Variants in FRAS1 observed in about 807,000 individuals in gnomAD.
The protein encoded by FRAS1 is Fraser extracellular matrix complex subunit 1.
In FRAS1, 290 loss-of-function variants were observed where a neutral mutation model predicts 435.2. The ratio of observed to expected loss-of-function variants is 0.67; its 90% CI spans 0.61 to 0.73. The LOEUF is 0.73. Ranked by LOEUF, FRAS1 falls within the 30% of genes least tolerant of loss-of-function variation. The pLI is 0.00. For missense variants in FRAS1, 4,860 were observed against 5,001.5 expected (o/e 0.97, Z 0.85); for synonymous variants, 1,800 against 1,851.0 (o/e 0.97, Z 0.71).
At chr4:78,081,391 G>A (rs6842962) in intron 2 of FRAS1, among the ~76,000 whole-genome samples, 105,315 of 151,964 alleles carry the variant, frequency 0.69, 36,689 homozygotes, top group East Asian at 0.85. Context: ...AAATAGTTAT[G>A]CATGGCTAGT....
intron 2 of FRAS1, among the ~76,000 whole-genome samples, chr4:78,198,235 CT>C (rs1722902312): frequency 6.6e-6 from 1 of 152,182 alleles, no homozygotes; most frequent in Admixed American, 6.5e-5. Context: ...TGAGTCCCCC[CT>C]GACAGCCTTC....
intron 2 of FRAS1, among the ~76,000 whole-genome samples, chr4:78,079,603 G>A (rs2109873116): frequency 6.6e-6 from 1 of 152,262 alleles, no homozygotes; most frequent in Middle Eastern, 3.4e-3. Context: ...ATGTCAACAT[G>A]TGTTTTTCAT....
chr4:78,111,805 A>T (rs1341301104), intron 2 of FRAS1, among the ~76,000 whole-genome samples: 2 of 151,832 alleles, frequency 1.3e-5, no homozygotes, highest in African/African-American at 2.4e-5. Flanking sequence ...GCAACAATGT[A>T]AAAGTCCTGA....
intron 3 of FRAS1, among the ~76,000 whole-genome samples, chr4:78,239,861 G>T (rs1268978249): frequency 6.6e-6 from 1 of 152,102 alleles, no homozygotes; most frequent in Non-Finnish European, 1.5e-5. Context: ...AGTCTTGCCT[G>T]GATGCCATTC....
intron 2 of FRAS1, among the ~76,000 whole-genome samples, chr4:78,095,705 A>T (rs1741768635): frequency 6.6e-6 from 1 of 152,112 alleles, no homozygotes. Context: ...CGTTTATAAA[A>T]CCCTCAGATC....
In FRAS1 at chr4:78,481,843, T is replaced by G; in HGVS notation, c.8483T>G (p.Leu2828Arg). Reference sequence around the variant, plus strand: ...CCAGTTATCCGCCATGGTACTGACCTCTCTACTTTCGCATCTGTCTGGTGT... The same window carrying G: ...CCAGTTATCCGCCATGGTACTGACCGCTCTACTTTCGCATCTGTCTGGTGT... ...KIPVIRHGTD[L>R]STFASVWCAT... is the part of the protein sequence containing the mutation. Residue 2828 changes from leucine (L) to arginine (R), a missense_variant, in exon 57 of 74, where the codon CTC (leucine) becomes CGC (arginine). By Grantham distance (102) the Leu-to-Arg change is moderately radical. Transcript: ENST00000512123. 6.2e-7 allele frequency: 1 copy of G among 1,613,926 alleles called. No homozygotes were observed. The highest frequency in any genetic ancestry group is 8.5e-7 in the Non-Finnish European group (1 of 1,179,822).
intron 31 of FRAS1, among the ~76,000 whole-genome samples, 177 bp downstream of exon 31, chr4:78,408,018 A>G (rs1166952742): frequency 1.3e-5 from 2 of 152,214 alleles, no homozygotes; most frequent in Non-Finnish European, 2.9e-5. Context: ...ATTTACACAG[A>G]AAAAGAGGTT....
chr4:78,347,280 CA>C lies in FRAS1; in HGVS notation c.2422+9468del, dbSNP rs200084693. Among the ~76,000 whole-genome samples the C allele has an allele frequency of 5.4e-4, 83 of 152,300 alleles. 3 individuals carry two copies. The East Asian group carries it at 0.014, about 27-fold the overall frequency. ...ATACTGCATATCTCTGTTTCTGCTG[CA>C]AAAACCCTAAGTGCTTCTTTCTTAG... is the stretch of plus-strand genomic sequence containing the variant. On this transcript the variant is annotated intron_variant, in intron 20 of 73. Transcript: ENST00000512123.
intron 2 of FRAS1, among the ~76,000 whole-genome samples, chr4:78,088,444 A>C (rs907060309): frequency 6.6e-6 from 1 of 150,996 alleles, no homozygotes; most frequent in Admixed American, 6.6e-5. Context: ...TAATTAAACT[A>C]AGGAGCTTCT....
rs998463953 is a variant in FRAS1, at chr4:78,542,395, T to C, written c.*1271T>C. 1 of 152,498 alleles carries C rather than the reference T, an allele frequency of 6.6e-6. No homozygotes were observed. The highest frequency in any genetic ancestry group is 6.5e-5 in the Admixed American group (1 of 15,286). 9.4% of individuals were successfully genotyped at this position (152,498 alleles called of 1,614,324 possible). A position where few individuals can be genotyped will look rare whatever the true frequency, so the allele number is the denominator to read the frequency against. On this transcript the variant is annotated 3_prime_UTR_variant, in exon 74 of 74. Transcript: ENST00000512123. ...ACACAGCTTGCTTTTGTTTCTCTTC[T>C]GTTTCTGCCTTATTGGCGGAAACAT... is the stretch of plus-strand genomic sequence containing the variant.
chr4:78,344,178 C>T (rs570258116), intron 20 of FRAS1, among the ~76,000 whole-genome samples: 3 of 152,004 alleles, frequency 2.0e-5, no homozygotes, highest in African/African-American at 7.2e-5. Flanking sequence ...ATTATTTCTA[C>T]CATTTACCTA....
rs374580592 is a variant in FRAS1, at chr4:78,448,237, G to A, written c.6195G>A (p.Gly2065=). The A allele has an allele frequency of 1.5e-5, 24 of 1,607,722 alleles. No homozygotes were observed. The highest frequency in any genetic ancestry group is 2.0e-5 in the Non-Finnish European group (24 of 1,177,098). ...CTGATGGCCTCCACGTGGACACAGG[G>A]AGGATGAAGATCTACACAGAACTGC... ...SLTDGLHVDT[G]RMKIYTELPA... Residue 2065 remains glycine (G), a synonymous_variant, in exon 44 of 74, where the codon GGG becomes GGA. Coordinates refer to ENST00000512123, the MANE Select transcript of FRAS1 (RefSeq NM_025074.7).
chr4:78,505,459 C>T (rs62310267), intron 61 of FRAS1, among the ~76,000 whole-genome samples: 49,987 of 151,986 alleles, frequency 0.33, 8,946 homozygotes, highest in South Asian at 0.52. Flanking sequence ...CTTCTCTTCT[C>T]GCTTTATTTC....
chr4:78,440,165 G>C (rs1412217822), intron 40 of FRAS1, among the ~76,000 whole-genome samples: 1 of 151,062 alleles, frequency 6.6e-6, no homozygotes, highest in Non-Finnish European at 1.5e-5. Flanking sequence ...CGAGTAGCTG[G>C]GACTACAGGC....
chr4:78,460,131 T>C (rs1325983653), intron 47 of FRAS1, among the ~76,000 whole-genome samples: 2 of 152,130 alleles, frequency 1.3e-5, no homozygotes, highest in South Asian at 4.1e-4. Context: ...ATGGGTAACA[T>C]GCATAGAACT....
At chr4:78,449,383 T>G (rs1718949801) in intron 44 of FRAS1, among the ~76,000 whole-genome samples, 1 of 152,200 alleles carries the variant, frequency 6.6e-6, no homozygotes, top group Non-Finnish European at 1.5e-5. Context: ...CCCTCAAGGT[T>G]GCTCTCTGAG....
chr4:78,090,049 C>T (rs968488469), intron 2 of FRAS1, among the ~76,000 whole-genome samples: 1 of 145,966 alleles, frequency 6.9e-6, no homozygotes, highest in African/African-American at 2.6e-5. Flanking sequence ...CAATATGTAA[C>T]AAATGTCAGT....
intron 28 of FRAS1, 86 bp from the exon 29 acceptor site, chr4:78,387,289 G>C: frequency 1.0e-6 from 1 of 999,336 alleles, no homozygotes; most frequent in Non-Finnish European, 1.5e-6. Flanking sequence ...TTCTCAAAAA[G>C]TATAGGAATA....
chr4:78,173,529 C>T (rs534154800), intron 2 of FRAS1, among the ~76,000 whole-genome samples: 1 of 152,224 alleles, frequency 6.6e-6, no homozygotes, highest in Non-Finnish European at 1.5e-5. Context: ...GAAGCTCCCC[C>T]ATTCCCAGTC....
Sources: allele counts gnomAD v4.1 joint callset (sites outside exome capture counted in the v4.1 genomes callset), GRCh38; gene constraint gnomAD v4.1.1; transcripts MANE v1.5; gene names NCBI Gene and HGNC (gene_info 2026-07-23, HGNC 2026-07-21).